Variants in OSBP2 observed in about 807,000 individuals in gnomAD.
OSBP2 encodes the protein oxysterol binding protein 2.
In OSBP2, 66 loss-of-function variants were observed where a neutral mutation model predicts 96.0. That is an observed-to-expected ratio of 0.69 (90% CI 0.56 to 0.84). OSBP2 has a LOEUF of 0.84. OSBP2 is among the 40% of genes least tolerant of loss of function. The pLI is 0.00. For synonymous variants in OSBP2, 525 were observed against 520.9 expected, an observed-to-expected ratio of 1.01 and a Z score of -0.11; for missense variants, 1,038 against 1,222.7, an observed-to-expected ratio of 0.85 and a Z score of 2.25.
At chr22:30,831,123 G>A (rs754698663) in intron 2 of OSBP2, among the ~76,000 whole-genome samples, 1 of 152,210 alleles carries the variant, frequency 6.6e-6, no homozygotes, top group Non-Finnish European at 1.5e-5. Context: ...GAGTCAAAGG[G>A]TGTGAATGCT....
At chr22:30,727,152 A>G (rs1397204725) in intron 1 of OSBP2, among the ~76,000 whole-genome samples, 1 of 152,218 alleles carries the variant, frequency 6.6e-6, no homozygotes, top group Non-Finnish European at 1.5e-5. Flanking sequence ...ATGGCTGTCC[A>G]TGTGAGACAT....
chr22:30,702,957 A>G (rs2089187451), intron 1 of OSBP2, among the ~76,000 whole-genome samples: 1 of 152,204 alleles, frequency 6.6e-6, no homozygotes, highest in African/African-American at 2.4e-5. Context: ...ATGGGATTTC[A>G]GAAAGCCAAG....
chr22:30,870,438 G>A lies in OSBP2; in HGVS notation c.863G>A (p.Gly288Glu). ...RVMNTHSDDS[G>E]DDDEATTPAD... ...CTATTTTCTTCCACAGATGACTCTG[G>A]GGACGACGACGAGGCTACCACCCCA... The change falls in exon 3 of 14, where the codon GGG becomes GAG. Residue 288 changes from glycine (G) to glutamate (E), a missense_variant. Physicochemically the swap from Gly to Glu is moderately conservative, Grantham distance 98. Around this residue, in one of 3 missense-constraint regions of OSBP2, gnomAD observed 737 missense variants for 913.3 expected, o/e 0.81. Transcript: ENST00000332585. The surrounding 1 kb of genome is among the most constrained non-coding windows in gnomAD (Gnocchi z 4.1). 1.2e-6 allele frequency: 2 copies of A among 1,613,814 alleles called. No homozygotes were observed. Among genetic ancestry groups the A allele is most frequent in the Non-Finnish European group, 1.7e-6 (2 of 1,179,988 alleles).
intron 12 of OSBP2, chr22:30,902,734 AGG>A: frequency 2.1e-6 from 1 of 472,226 alleles, no homozygotes; most frequent in Non-Finnish European, 4.1e-6. Flanking sequence ...TGCTATCTTC[AGG>A]GGTGCCAGAC....
Position 30,905,965 on chromosome 22 carries a change from A to G in OSBP2, c.2504A>G (p.Asp835Gly), listed in dbSNP as rs776025563. 1 of 1,610,326 alleles carries G rather than the reference A, an allele frequency of 6.2e-7. No homozygotes were observed. The highest frequency in any genetic ancestry group is 1.1e-5 in the South Asian group (1 of 90,712). Reference sequence around the variant, plus strand: ...CGGCTGATGGAGAAGGGCCGTTGGGACGAGGCCAATACCGAGAAGCAGCGG... The same window carrying G: ...CGGCTGATGGAGAAGGGCCGTTGGGGCGAGGCCAATACCGAGAAGCAGCGG... ...DQRLMEKGRWDEANTEKQRLE... is the reference protein window; with the variant it reads ...DQRLMEKGRWGEANTEKQRLE... The change falls in exon 13 of 14, where the codon GAC becomes GGC. Residue 835 changes from aspartate to glycine, a missense_variant. Physicochemically the swap from Asp to Gly is moderately conservative, Grantham distance 94. Transcript: ENST00000332585.
intron 12 of OSBP2, chr22:30,902,110 G>GAAAAAAAAAAAAA (rs60499517): frequency 5.0e-6 from 1 of 200,948 alleles, no homozygotes; most frequent in African/African-American, 3.0e-5. Flanking sequence ...AGCAATATAA[G>GAAAAAAAAAAAAA]AAAAAAAAAA....
intron 2 of OSBP2, among the ~76,000 whole-genome samples, chr22:30,781,842 A>G (rs1348602900): frequency 6.6e-6 from 1 of 152,134 alleles, no homozygotes; most frequent in Non-Finnish European, 1.5e-5. Flanking sequence ...TTTTCAATCC[A>G]TGTCTTAAAA....
intron 2 of OSBP2, among the ~76,000 whole-genome samples, chr22:30,840,783 C>A (rs7284316): frequency 0.042 from 6,377 of 151,856 alleles, 455 homozygotes; most frequent in African/African-American, 0.15. Context: ...CTGGCACATA[C>A]AAAGTGCTGC....
At chr22:30,759,742 C>T (rs1405223465) in intron 2 of OSBP2, among the ~76,000 whole-genome samples, 1 of 151,428 alleles carries the variant, frequency 6.6e-6, no homozygotes, top group Non-Finnish European at 1.5e-5. Flanking sequence ...AGTCTTCAGG[C>T]CTACATGATT....
chr22:30,767,138 C>CAAAAAAAAA (rs1156950666), intron 2 of OSBP2, among the ~76,000 whole-genome samples: 188 of 77,404 alleles, frequency 2.4e-3, no homozygotes, highest in Non-Finnish European at 3.3e-3. Context: ...ACTAAAAATA[C>CAAAAAAAAA]AAAAAAAAAA....
intron 2 of OSBP2, among the ~76,000 whole-genome samples, chr22:30,757,166 C>T (rs2090151828): frequency 6.6e-6 from 1 of 152,130 alleles, no homozygotes; most frequent in African/African-American, 2.4e-5. Flanking sequence ...GACGTCCTTG[C>T]TACTCTGTAT....
intron 2 of OSBP2, among the ~76,000 whole-genome samples, chr22:30,813,171 CTTTTTTTTTTTTTT>C (rs911860511): frequency 2.5e-5 from 2 of 78,588 alleles, no homozygotes; most frequent in South Asian, 9.3e-4. Flanking sequence ...ATGTTGCATT[CTTTTTTTTTTTTTT>C]TTTTTTTTTT....
chr22:30,885,744 C>T (rs774986649), intron 3 of OSBP2, among the ~76,000 whole-genome samples: 18 of 152,242 alleles, frequency 1.2e-4, no homozygotes, highest in Non-Finnish European at 2.2e-4. Flanking sequence ...CCGCAGAATG[C>T]TCGGGCCCTA....
At chr22:30,885,813 G>A (rs957400813) in intron 3 of OSBP2, among the ~76,000 whole-genome samples, 5 of 152,240 alleles carry the variant, frequency 3.3e-5, no homozygotes, top group Non-Finnish European at 5.9e-5. Context: ...GCTGCTGCTG[G>A]GGAGGCAGCG....
intron 2 of OSBP2, among the ~76,000 whole-genome samples, chr22:30,847,014 A>G (rs748399119): frequency 7.9e-5 from 12 of 151,922 alleles, no homozygotes; most frequent in Admixed American, 1.3e-4. Context: ...GTCTTTCTCA[A>G]TCACCCTGGC....
At chr22:30,821,568 G>C (rs943591131) in intron 2 of OSBP2, among the ~76,000 whole-genome samples, 1 of 152,138 alleles carries the variant, frequency 6.6e-6, no homozygotes, top group African/African-American at 2.4e-5. Context: ...TACAAATGGC[G>C]GTGGATGGGG....
At chr22:30,827,530 C>T (rs1383409624) in intron 2 of OSBP2, among the ~76,000 whole-genome samples, 1 of 152,226 alleles carries the variant, frequency 6.6e-6, no homozygotes, top group African/African-American at 2.4e-5. Context: ...AGGATCCTTT[C>T]TATCTCCTCC....
intron 2 of OSBP2, among the ~76,000 whole-genome samples, chr22:30,856,920 T>TG (rs927531277): frequency 9.9e-4 from 151 of 152,250 alleles, no homozygotes; most frequent in African/African-American, 3.6e-3. Context: ...GCTGTCAGGC[T>TG]GGGGGTGACA....
intron 12 of OSBP2, 43 bp from the exon 13 acceptor site, chr22:30,905,794 G>T: frequency 6.2e-7 from 1 of 1,604,584 alleles, no homozygotes. Context: ...GTGTGGTCCG[G>T]CTCACACCGC....
Sources: gnomAD v4.1 joint callset for allele counts (sites outside exome capture counted in the v4.1 genomes callset) on GRCh38, gnomAD v4.1.1 for gene constraint, gnomAD v4.1.1 regional missense constraint, Gnocchi (gnomAD v3.1) non-coding constraint, MANE v1.5 for transcripts, NCBI Gene and HGNC (gene_info 2026-07-23, HGNC 2026-07-21) for gene names.